GLRA1: variants seen among roughly 807,000 people sequenced by gnomAD.
The protein encoded by GLRA1 is glycine receptor subunit alpha-1.
In GLRA1, 37 loss-of-function variants were observed where a neutral mutation model predicts 48.3. The observed-to-expected ratio is 0.77, with a 90% CI of 0.59 to 1.01. The LOEUF (loss-of-function observed/expected upper bound fraction) is 1.01. GLRA1 is among the 50% of genes least tolerant of loss of function. GLRA1 has a pLI of 0.00. For synonymous variants in GLRA1, 196 were observed against 210.7 expected (o/e 0.93, Z 0.60); for missense variants, 427 against 571.0 (o/e 0.75, Z 2.57).
chr5:151,867,319 C>A (rs1377157203), intron 3 of GLRA1, among the ~76,000 whole-genome samples: 1 of 151,966 alleles, frequency 6.6e-6, no homozygotes, highest in Non-Finnish European at 1.5e-5. Context: ...TCTGGTTTCA[C>A]CTGGAACAAG....
At chr5:151,850,064 G>A (rs1186618439) in intron 7 of GLRA1, 32 of 1,603,826 alleles carry the variant, frequency 2.0e-5, no homozygotes, top group Admixed American at 3.4e-5. Context: ...CAGCACCCTG[G>A]TTTGGCATGG....
intron 1 of GLRA1, among the ~76,000 whole-genome samples, chr5:151,922,218 C>T (rs537827587): frequency 2.0e-5 from 3 of 152,302 alleles, no homozygotes; most frequent in African/African-American, 7.2e-5. Context: ...AGGGTTTATT[C>T]ACATGGAACC....
chr5:151,840,273 A>AT (rs938089142), intron 7 of GLRA1, among the ~76,000 whole-genome samples: 3 of 152,042 alleles, frequency 2.0e-5, no homozygotes, highest in Non-Finnish European at 2.9e-5. Context: ...TTTTAAAAGT[A>AT]TTTTTTGTAA....
intron 3 of GLRA1, among the ~76,000 whole-genome samples, chr5:151,866,835 G>T (rs1391305882): frequency 6.6e-6 from 1 of 152,156 alleles, no homozygotes; most frequent in Non-Finnish European, 1.5e-5. Context: ...TGCATGCGGT[G>T]GCTCACGCCT....
chr5:151,855,825 C>A (rs913145667), intron 5 of GLRA1, among the ~76,000 whole-genome samples: 1 of 152,348 alleles, frequency 6.6e-6, no homozygotes, highest in African/African-American at 2.4e-5. Context: ...AATCCCAGTC[C>A]TCCATAAAGT....
chr5:151,910,966 C>G (rs1754595019), intron 1 of GLRA1, among the ~76,000 whole-genome samples: 1 of 152,170 alleles, frequency 6.6e-6, no homozygotes, highest in Non-Finnish European at 1.5e-5. Flanking sequence ...AGAACAACTC[C>G]TGGTTATCGT....
At chr5:151,834,428 G>A (rs1408678734) in intron 7 of GLRA1, among the ~76,000 whole-genome samples, 1 of 152,170 alleles carries the variant, frequency 6.6e-6, no homozygotes, top group African/African-American at 2.4e-5. Flanking sequence ...TGAAACCAAT[G>A]ATAACAAAGA....
At chr5:151,850,182 G>A in intron 7 of GLRA1, 2 of 1,603,502 alleles carry the variant, frequency 1.2e-6, no homozygotes. Context: ...AGCAGGCAAA[G>A]CCCATGGCAG....
At chr5:151,826,020 T>G (rs1581595009) in intron 8 of GLRA1, among the ~76,000 whole-genome samples, 1 of 152,190 alleles carries the variant, frequency 6.6e-6, no homozygotes, top group African/African-American at 2.4e-5. Context: ...TGGGCCAACT[T>G]AAGAGCCCTT....
In GLRA1 at chr5:151,886,738, T is replaced by C. The variant is rs1332729065; in HGVS notation, c.235A>G (p.Ile79Val). The C allele has an allele frequency of 1.9e-6, 3 of 1,612,516 alleles. No individual in the cohort carries two copies. Among genetic ancestry groups the C allele is most frequent in the Non-Finnish European group, 1.7e-6 (2 of 1,178,630 alleles). ...CNIFINSFGS[I>V]AETTMDYRVN... ...TTACTCACCATGGTTGTCTCAGCAA[T>C]GGAACCAAAGCTGTTGATGAAAATG... Residue 79 changes from isoleucine to valine, a missense_variant, in exon 3 of 9, where the codon ATT (isoleucine) becomes GTT (valine). Coordinates refer to ENST00000274576, the MANE Select transcript of GLRA1 (RefSeq NM_000171.4).
intron 7 of GLRA1, among the ~76,000 whole-genome samples, chr5:151,835,949 G>A (rs1007151867): frequency 6.6e-6 from 1 of 152,194 alleles, no homozygotes; most frequent in African/African-American, 2.4e-5. Context: ...AGTATTGGAA[G>A]TGCTGGCCAG....
chr5:151,880,548 A>G (rs1431945810), intron 3 of GLRA1, among the ~76,000 whole-genome samples: 1 of 152,230 alleles, frequency 6.6e-6, no homozygotes, highest in Non-Finnish European at 1.5e-5. Flanking sequence ...ACATGTTCTA[A>G]TAATGGAAAT....
At chr5:151,844,262 T>C (rs981512079) in intron 7 of GLRA1, among the ~76,000 whole-genome samples, 1 of 152,008 alleles carries the variant, frequency 6.6e-6, no homozygotes, top group Admixed American at 6.6e-5. Context: ...AGATAAACTA[T>C]GAAACTCTTA....
intron 3 of GLRA1, among the ~76,000 whole-genome samples, chr5:151,882,025 TG>T (rs1753776091): frequency 6.6e-6 from 1 of 152,186 alleles, no homozygotes; most frequent in Non-Finnish European, 1.5e-5. Context: ...TCAGGGAGCC[TG>T]GGCTGACTAT....
intron 1 of GLRA1, among the ~76,000 whole-genome samples, chr5:151,909,548 A>G (rs1452736699): frequency 2.0e-5 from 3 of 152,232 alleles, no homozygotes; most frequent in Non-Finnish European, 2.9e-5. Context: ...TGCATGTCAT[A>G]TAATAAGTTT....
At chr5:151,892,249 T>C (rs1446728988) in intron 2 of GLRA1, 62 bp downstream of exon 2, 2 of 1,518,102 alleles carry the variant, frequency 1.3e-6, no homozygotes, top group East Asian at 2.3e-5. Flanking sequence ...ATTACCATGC[T>C]GCTTGCTGCT....
chr5:151,826,968 G>A (rs1005963434), intron 8 of GLRA1, among the ~76,000 whole-genome samples: 8 of 150,734 alleles, frequency 5.3e-5, no homozygotes. Flanking sequence ...AGTGTATAGG[G>A]AAAATGGAAA....
At chr5:151,867,558 T>A (rs1289255251) in intron 3 of GLRA1, among the ~76,000 whole-genome samples, 1 of 152,200 alleles carries the variant, frequency 6.6e-6, no homozygotes, top group Non-Finnish European at 1.5e-5. Flanking sequence ...TTGCCCCTTA[T>A]TGAGGCCCTA....
At chr5:151,840,607 T>A (rs115327914) in intron 7 of GLRA1, among the ~76,000 whole-genome samples, 1,857 of 151,950 alleles carry the variant, frequency 0.012, 36 homozygotes, top group African/African-American at 0.042. Flanking sequence ...TGCAACTACA[T>A]ACTGTCTATA....
Sources: gnomAD v4.1 joint callset for allele counts (sites outside exome capture counted in the v4.1 genomes callset) on GRCh38, gnomAD v4.1.1 for gene constraint, MANE v1.5 for transcripts, NCBI Gene and HGNC (gene_info 2026-07-23, HGNC 2026-07-21) for gene names.